Variants in TOP1MT observed in about 807,000 individuals in gnomAD.
TOP1MT encodes the protein DNA topoisomerase I, mitochondrial.
A neutral mutation model predicts 73.9 loss-of-function variants in TOP1MT; 80 were observed. The observed-to-expected ratio is 1.08, with a 90% CI of 0.90 to 1.30. The LOEUF is 1.30. Ranked by LOEUF, TOP1MT falls within the 50% of genes most tolerant of loss-of-function variation. TOP1MT has a pLI of 0.00. For missense variants in TOP1MT, 815 were observed against 808.0 expected, an observed-to-expected ratio of 1.01 and a Z score of -0.10; for synonymous variants, 338 against 326.4, an observed-to-expected ratio of 1.04 and a Z score of -0.38.
intron 7 of TOP1MT, among the ~76,000 whole-genome samples, chr8:143,323,252 C>T (rs1287476485): frequency 8.0e-6 from 1 of 125,066 alleles, no homozygotes; most frequent in African/African-American, 3.2e-5. Context: ...CACACACAGG[C>T]ACGCCACACA....
At chr8:143,342,886 G>T (rs1372343114) in intron 2 of TOP1MT, among the ~76,000 whole-genome samples, 1 of 151,490 alleles carries the variant, frequency 6.6e-6, no homozygotes, top group East Asian at 1.9e-4. Context: ...CCGGGTTCAA[G>T]CGATTCTCCT....
chr8:143,320,711 G>A (rs1324110675), intron 8 of TOP1MT, among the ~76,000 whole-genome samples: 1 of 152,248 alleles, frequency 6.6e-6, no homozygotes, highest in Non-Finnish European at 1.5e-5. Context: ...ATGGCCATGT[G>A]ACAACGGAGG....
chr8:143,359,674 A>AG (rs1485047906), upstream of TOP1MT, among the ~76,000 whole-genome samples: 2 of 144,828 alleles, frequency 1.4e-5, no homozygotes, highest in Non-Finnish European at 3.1e-5. Flanking sequence ...AAGCACACGG[A>AG]GGGGGGACAC....
rs1383897809 is a variant in TOP1MT, at chr8:143,322,529, CCAAAGATGCACGCCA to C, written c.961-1158_961-1144del. ...ACAGGCACGCCACACAACAGGCACG[CCAAAGATGCACGCCA>C]CACACACGCACGCCACACACAGACA... On this transcript the variant is annotated intron_variant, in intron 7 of 13. Transcript: ENST00000329245. Among the ~76,000 whole-genome samples the C allele has an allele frequency of 4.7e-3, 578 of 122,050 alleles. 18 individuals carry two copies. The highest frequency in any genetic ancestry group is 0.018 in the African/African-American group (555 of 31,572). 80.1% of individuals were successfully genotyped at this position (122,050 alleles called of 152,430 possible). A position where few individuals can be genotyped will look rare whatever the true frequency, so the allele number is the denominator to read the frequency against.
At chr8:143,340,637 G>C (rs1286141297) in intron 2 of TOP1MT, among the ~76,000 whole-genome samples, 2 of 152,162 alleles carry the variant, frequency 1.3e-5, no homozygotes, top group African/African-American at 4.8e-5. Flanking sequence ...GCAATGGCGA[G>C]GCCACGCCGC....
chr8:143,331,035 G>A (rs1032281930), intron 2 of TOP1MT, among the ~76,000 whole-genome samples, 189 bp downstream of exon 2: 14 of 152,266 alleles, frequency 9.2e-5, no homozygotes, highest in South Asian at 8.3e-4. Flanking sequence ...GGGAGCCCCC[G>A]AACTGCCACC....
upstream of TOP1MT, among the ~76,000 whole-genome samples, chr8:143,347,695 GCCA>G (rs1817250857): frequency 2.9e-5 from 1 of 34,676 alleles, no homozygotes; most frequent in African/African-American, 4.1e-5. Context: ...CAGGCAGCCA[GCCA>G]GCCAGCCAGC....
At chr8:143,322,263 A>ATG (rs1171710837) in intron 7 of TOP1MT, among the ~76,000 whole-genome samples, 2 of 11,642 alleles carry the variant, frequency 1.7e-4, no homozygotes, top group Non-Finnish European at 1.3e-4. Flanking sequence ...CGCCACACAC[A>ATG]CACGCCACAC....
rs761504766 is a variant in TOP1MT, at chr8:143,315,823, T to G, written c.1459-2A>C. 1.9e-6 allele frequency: 3 copies of G among 1,613,306 alleles called. No homozygotes were observed. The highest frequency in any genetic ancestry group is 2.5e-6 in the Non-Finnish European group (3 of 1,179,962). On this transcript the variant is annotated splice_acceptor_variant, in intron 11 of 13. Coordinates refer to ENST00000329245, the MANE Select transcript of TOP1MT (RefSeq NM_052963.3). LOFTEE classifies it high-confidence loss of function. The stretch of plus-strand genomic sequence containing the variant: ...CACCTGCTCCTTCTTTGCCTGGATC[T>G]GCAGGAAAAGGGTCCAGACAGGGCT...
intron 8 of TOP1MT, among the ~76,000 whole-genome samples, chr8:143,319,268 A>G (rs376846104): frequency 6.7e-6 from 1 of 149,484 alleles, no homozygotes; most frequent in East Asian, 2.0e-4. Context: ...ACTCCATCCC[A>G]CGGTTGGGTC....
intron 3 of TOP1MT, 89 bp from the exon 4 acceptor site, chr8:143,326,433 T>G: frequency 6.4e-7 from 1 of 1,562,362 alleles, no homozygotes; most frequent in Non-Finnish European, 8.7e-7. Flanking sequence ...AGAAACGCGC[T>G]CTCGCCATGT....
chr8:143,350,612 G>A (rs745887117), intron 1 of TOP1MT, among the ~76,000 whole-genome samples: 8 of 152,148 alleles, frequency 5.3e-5, no homozygotes, highest in African/African-American at 9.7e-5. Flanking sequence ...GATTACAGGC[G>A]TGAGCCACAG....
At chr8:143,321,630 A>C (rs1262182992) in intron 7 of TOP1MT, among the ~76,000 whole-genome samples, 3 of 38,148 alleles carry the variant, frequency 7.9e-5, no homozygotes, top group African/African-American at 1.8e-4. Flanking sequence ...CGCACGCCAC[A>C]CACAGGCACG....
intron 8 of TOP1MT, among the ~76,000 whole-genome samples, chr8:143,320,859 C>T (rs1816316093): frequency 6.6e-6 from 1 of 152,132 alleles, no homozygotes; most frequent in Non-Finnish European, 1.5e-5. Flanking sequence ...GACTCTGGCC[C>T]CCAGGGCTGA....
Position 143,331,359 on chromosome 8 carries a change from G to GT in TOP1MT, c.123-21dup, listed in dbSNP as rs1816850604. 2.5e-6 allele frequency: 4 copies of GT among 1,597,998 alleles called. No individual in the cohort carries two copies. The African/African-American group carries it at 5.4e-5, about 21-fold the overall frequency. On this transcript the variant is annotated intron_variant, in intron 1 of 13. Coordinates refer to ENST00000329245, the MANE Select transcript of TOP1MT (RefSeq NM_052963.3). ...TCCCACCTAAAGACGGAGACAGGAC[G>GT]TGTCACTCTCCTGGGCCAGGCCCTG... is the stretch of plus-strand genomic sequence containing the variant.
chr8:143,338,657 G>A (rs377426496), upstream of TOP1MT, among the ~76,000 whole-genome samples: 5 of 152,314 alleles, frequency 3.3e-5, no homozygotes, highest in East Asian at 5.8e-4. Flanking sequence ...CAACAATCCT[G>A]TAAAAAGATG....
intron 1 of TOP1MT, among the ~76,000 whole-genome samples, chr8:143,333,599 G>A (rs1384860873): frequency 6.6e-6 from 1 of 152,210 alleles, no homozygotes; most frequent in Non-Finnish European, 1.5e-5. Context: ...GGCCAGGCAG[G>A]GCTGCACCAC....
intron 3 of TOP1MT, among the ~76,000 whole-genome samples, chr8:143,328,843 A>C (rs913904748): frequency 6.6e-6 from 1 of 152,210 alleles, no homozygotes; most frequent in Non-Finnish European, 1.5e-5. Context: ...CCCGGAGGGC[A>C]CAGAATCCGC....
intron 7 of TOP1MT, among the ~76,000 whole-genome samples, chr8:143,322,717 A>ACACGCACGC: frequency 1.5e-4 from 3 of 20,136 alleles, no homozygotes; most frequent in African/African-American, 1.1e-3. Flanking sequence ...CACGCACGCC[A>ACACGCACGC]CACACAGGCA....
Sources: gnomAD v4.1 joint callset for allele counts (sites outside exome capture counted in the v4.1 genomes callset) on GRCh38, gnomAD v4.1.1 for gene constraint, MANE v1.5 for transcripts, NCBI Gene and HGNC (gene_info 2026-07-23, HGNC 2026-07-21) for gene names.